D2HGDH: variants seen among roughly 807,000 people sequenced by gnomAD.
D2HGDH encodes the protein D-2-hydroxyglutarate dehydrogenase, also known as D-2-hydroxyglutarate dehydrogenase, mitochondrial.
In D2HGDH, 31 loss-of-function variants were observed where a neutral mutation model predicts 46.9. The observed-to-expected ratio is 0.66, with a 90% CI of 0.50 to 0.89. The LOEUF is 0.89. Among genes scored for constraint, D2HGDH ranks in the 40% least tolerant of loss-of-function variants. The pLI, the probability that D2HGDH is intolerant of heterozygous loss-of-function variation, is 0.00. For missense variants in D2HGDH, 698 were observed against 720.8 expected (o/e 0.97, Z 0.36); for synonymous variants, 364 against 332.6 (o/e 1.09, Z -1.03).
At chr2:241,739,379 A>T (rs760393589) in intron 2 of D2HGDH, among the ~76,000 whole-genome samples, 5 of 152,194 alleles carry the variant, frequency 3.3e-5, no homozygotes, top group Non-Finnish European at 7.3e-5. Flanking sequence ...GGACGCAGTG[A>T]GCGCAGGTGC....
intron 9 of D2HGDH, 138 bp downstream of exon 9, chr2:241,756,152 G>A (rs1197605835): frequency 7.9e-7 from 1 of 1,269,512 alleles, no homozygotes; most frequent in African/African-American, 1.5e-5. Flanking sequence ...ACACTGGCAG[G>A]ACCACGGTGT....
At chr2:241,741,246 A>G (rs1221767861) in intron 3 of D2HGDH, among the ~76,000 whole-genome samples, 156 bp downstream of exon 3, 1 of 152,108 alleles carries the variant, frequency 6.6e-6, no homozygotes, top group African/African-American at 2.4e-5. Context: ...TTTCGGTGCT[A>G]TCTCAATGCA....
Position 241,743,571 on chromosome 2 carries a change from C to T in D2HGDH, c.491-51C>T, listed in dbSNP as rs563972694. The T allele has an allele frequency of 3.4e-5, 54 of 1,585,524 alleles. No individual in the cohort carries two copies. The highest frequency in any genetic ancestry group is 9.1e-5 in the East Asian group (4 of 43,990). ...AGATGGGGGTTGGGACTCACCAGCC[C>T]GGGGGCCCACTGGAAGCCAAGTGCT... On this transcript the variant is annotated intron_variant, in intron 4 of 9. Coordinates refer to ENST00000321264, the MANE Select transcript of D2HGDH (RefSeq NM_152783.5). This position sits in a 1 kb window ranked among gnomAD's most constrained non-coding sequence, Gnocchi z 4.8.
chr2:241,748,730 A>T, intron 6 of D2HGDH: 1 of 932,262 alleles, frequency 1.1e-6, no homozygotes, highest in Non-Finnish European at 1.3e-6. Flanking sequence ...GCTCCTCACC[A>T]CCTGACCCCG....
chr2:241,753,071 C>T (rs4675880), intron 8 of D2HGDH, among the ~76,000 whole-genome samples: 2 of 152,208 alleles, frequency 1.3e-5, no homozygotes, highest in African/African-American at 4.8e-5. Flanking sequence ...AGGACAGGGC[C>T]GAATGGGGCT....
chr2:241,749,071 C>T, intron 6 of D2HGDH: 2 of 998,496 alleles, frequency 2.0e-6, no homozygotes, highest in African/African-American at 3.5e-5. Context: ...GGGCCCCAGT[C>T]AGCCCTGGCT....
chr2:241,761,149 C>G (rs1484043453), intron 9 of D2HGDH, among the ~76,000 whole-genome samples: 7 of 152,020 alleles, frequency 4.6e-5, no homozygotes, highest in Non-Finnish European at 1.0e-4. Flanking sequence ...AACAATACAA[C>G]AATAAAAAAT....
At chr2:241,749,045 T>C in intron 6 of D2HGDH, 1 of 996,658 alleles carries the variant, frequency 1.0e-6, no homozygotes, top group Non-Finnish European at 1.2e-6. Context: ...GCTCGTGGGC[T>C]CGGTCCAGCT....
intron 9 of D2HGDH, among the ~76,000 whole-genome samples, chr2:241,757,139 A>G (rs1016271064): frequency 6.6e-6 from 1 of 152,218 alleles, no homozygotes; most frequent in African/African-American, 2.4e-5. Flanking sequence ...ATGTGGAGAA[A>G]CTTCTCTGCA....
intron 8 of D2HGDH, chr2:241,755,095 C>T (rs768614619): frequency 3.1e-5 from 40 of 1,303,862 alleles, no homozygotes; most frequent in Admixed American, 1.8e-4. Flanking sequence ...AACCACAGGC[C>T]GATCTGTCTG....
intron 6 of D2HGDH, among the ~76,000 whole-genome samples, chr2:241,748,541 A>G (rs922397189): frequency 5.3e-5 from 8 of 152,116 alleles, no homozygotes; most frequent in Admixed American, 1.3e-4. Flanking sequence ...ATCTGCCCCA[A>G]TCAGGCCTTG....
At chr2:241,735,644 C>A in intron 2 of D2HGDH, 128 bp downstream of exon 2, 1 of 1,273,452 alleles carries the variant, frequency 7.9e-7, no homozygotes. Flanking sequence ...CTGAGAGGGG[C>A]GTGTGCACCG....
chr2:241,735,496 A>C lies in D2HGDH; in HGVS notation c.272A>C (p.Asp91Ala). ...DPEALQAPNVDWLRTLRGCSK... is the reference protein window; with the variant it reads ...DPEALQAPNVAWLRTLRGCSK... ...GAAGCGCTGCAGGCTCCCAACGTGG[A>C]CTGGTTGCGGACGCTGCGAGGTGGG... Residue 91 changes from aspartate to alanine, a missense_variant, in exon 2 of 10, where the codon GAC becomes GCC. Coordinates refer to ENST00000321264, the MANE Select transcript of D2HGDH (RefSeq NM_152783.5). 6.2e-7 allele frequency: 1 copy of C among 1,607,728 alleles called. No homozygotes were observed. The highest frequency in any genetic ancestry group is 8.5e-7 in the Non-Finnish European group (1 of 1,179,778).
intron 8 of D2HGDH, 72 bp from the exon 9 acceptor site, chr2:241,755,777 G>A (rs1301466226): frequency 5.0e-6 from 8 of 1,611,186 alleles, no homozygotes; most frequent in Non-Finnish European, 6.8e-6. Flanking sequence ...CCCTAACCCC[G>A]TGTGGTGTGC....
chr2:241,767,685 G>A (rs575887445), intron 9 of D2HGDH, 25 bp from the exon 10 acceptor site: 2 of 1,612,166 alleles, frequency 1.2e-6, no homozygotes, highest in Admixed American at 3.3e-5. Flanking sequence ...TGCCCAGCCT[G>A]ACCCATGTGC....
chr2:241,763,961 G>A (rs1202173396), intron 9 of D2HGDH, among the ~76,000 whole-genome samples: 1 of 152,200 alleles, frequency 6.6e-6, no homozygotes, highest in Non-Finnish European at 1.5e-5. Flanking sequence ...GAGGTGGGAG[G>A]ACTGACTGAG....
intron 9 of D2HGDH, among the ~76,000 whole-genome samples, chr2:241,765,161 T>C (rs908134558): frequency 7.2e-5 from 11 of 152,286 alleles, no homozygotes; most frequent in Middle Eastern, 3.4e-3. Flanking sequence ...TCCGACCAGG[T>C]GCTGGGGATA....
At position 241,735,134 on chromosome 2, in the gene D2HGDH, C is replaced by G. The variant is rs62191976; in HGVS notation, c.-91C>G. 0.045 allele frequency: 60,069 copies of G among 1,339,036 alleles called. 1,472 individuals carry two copies. The highest frequency in any genetic ancestry group is 0.07 in the African/African-American group (4,476 of 64,228). The allele number at this position is 1,339,036 out of a possible 1,614,324, so 82.9% of individuals were successfully genotyped here. A position where few individuals can be genotyped will look rare whatever the true frequency, so the allele number is the denominator to read the frequency against. ...GAAATTACCCTTGGCCACTTCCAGG[C>G]GCGCAGCCAGCGGCTCCCTGCCCTT... On this transcript the variant is annotated splice_region_variant and 5_prime_UTR_variant, in exon 2 of 10. Coordinates refer to ENST00000321264, the MANE Select transcript of D2HGDH (RefSeq NM_152783.5).
chr2:241,739,556 CAG>C (rs1693869409), intron 2 of D2HGDH, among the ~76,000 whole-genome samples: 1 of 152,236 alleles, frequency 6.6e-6, no homozygotes, highest in Non-Finnish European at 1.5e-5. Context: ...GAAGAGGTGA[CAG>C]GCTCCCGTGA....
Sources: allele counts gnomAD v4.1 joint callset (sites outside exome capture counted in the v4.1 genomes callset), GRCh38; gene constraint gnomAD v4.1.1; non-coding constraint Gnocchi (gnomAD v3.1); transcripts MANE v1.5; gene names NCBI Gene and HGNC (gene_info 2026-07-23, HGNC 2026-07-21).